Variants in SNX7 observed in about 807,000 individuals in gnomAD.
The protein encoded by SNX7 is sorting nexin-7.
Under a neutral mutation model 48.4 loss-of-function variants are expected in SNX7, and 35 were observed. The ratio of observed to expected loss-of-function variants is 0.72; its 90% confidence interval spans 0.55 to 0.96. SNX7 has a LOEUF of 0.96. Ranked by LOEUF, SNX7 falls within the 40% of genes least tolerant of loss-of-function variation. The probability of loss-of-function intolerance (pLI) is 0.00; values close to 1 mark genes in which losing one functional copy is unlikely to be tolerated. For missense variants in SNX7, 553 were observed against 548.9 expected, an observed-to-expected ratio of 1.01 and a Z score of -0.07; for synonymous variants, 190 against 190.2, an observed-to-expected ratio of 1.00 and a Z score of 0.01.
At chr1:98,686,734 A>G (rs1650822361) in intron 2 of SNX7, among the ~76,000 whole-genome samples, 1 of 152,112 alleles carries the variant, frequency 6.6e-6, no homozygotes, top group Non-Finnish European at 1.5e-5. Context: ...TTGTTTGTAA[A>G]TAGGATAACA....
intron 7 of SNX7, among the ~76,000 whole-genome samples, chr1:98,730,222 A>G (rs765600500): frequency 4.3e-5 from 6 of 139,872 alleles, no homozygotes; most frequent in Non-Finnish European, 4.9e-5. Context: ...CTTCATGTTA[A>G]AAACTCTCAA....
intron 4 of SNX7, among the ~76,000 whole-genome samples, chr1:98,692,973 T>A (rs764809174): frequency 9.9e-5 from 15 of 152,204 alleles, no homozygotes; most frequent in Non-Finnish European, 1.9e-4. Context: ...TTCTGGACTA[T>A]GTGGTTTGTG....
At chr1:98,662,846 A>G (rs1260952263) in intron 1 of SNX7, 1 of 1,288,328 alleles carries the variant, frequency 7.8e-7, no homozygotes, top group Admixed American at 2.3e-5. Flanking sequence ...TAACCACCGC[A>G]TTTACTCTGG....
At chr1:98,727,286 G>C (rs1435077289) in intron 7 of SNX7, among the ~76,000 whole-genome samples, 1 of 152,130 alleles carries the variant, frequency 6.6e-6, no homozygotes. Flanking sequence ...CTGTAGAAGA[G>C]AGGCCTGACT....
intron 1 of SNX7, among the ~76,000 whole-genome samples, chr1:98,675,392 A>G (rs565533136): frequency 5.9e-5 from 9 of 152,244 alleles, no homozygotes; most frequent in African/African-American, 2.2e-4. Flanking sequence ...TTCTACTGAA[A>G]TCTTGGATGT....
At chr1:98,750,119 A>C (rs1004434088) in intron 8 of SNX7, among the ~76,000 whole-genome samples, 1 of 151,996 alleles carries the variant, frequency 6.6e-6, no homozygotes, top group Non-Finnish European at 1.5e-5. Context: ...TATAATAATA[A>C]GTATCATTAT....
rs77829449 is a variant in SNX7 at position 98,722,483 on chromosome 1, A to C, written c.1126-15754A>C. Among the ~76,000 whole-genome samples the C allele has an allele frequency of 6.0e-4, 92 of 152,240 alleles. 1 individual carries two copies. Among genetic ancestry groups the C allele is most frequent in the Middle Eastern group, 6.8e-3 (2 of 294 alleles). On this transcript the variant is annotated intron_variant, in intron 7 of 8. Transcript: ENST00000306121. ...AGAGGTAGCTGTCAGATTAGAAATG[A>C]ATTTCAGAATTTTCTATTGTCTTCT...
chr1:98,690,451 T>A (rs1473363303), intron 2 of SNX7, among the ~76,000 whole-genome samples: 1 of 152,108 alleles, frequency 6.6e-6, no homozygotes, highest in African/African-American at 2.4e-5. Context: ...AGTTTAGGCA[T>A]ATAACCCAAA....
At chr1:98,693,997 T>G (rs1470129472) in intron 4 of SNX7, among the ~76,000 whole-genome samples, 3 of 152,186 alleles carry the variant, frequency 2.0e-5, no homozygotes, top group African/African-American at 7.2e-5. Flanking sequence ...GTATATTCTT[T>G]TATAGGATGT....
chr1:98,755,266 T>C (rs1654785093), intron 8 of SNX7, among the ~76,000 whole-genome samples: 1 of 152,102 alleles, frequency 6.6e-6, no homozygotes, highest in African/African-American at 2.4e-5. Context: ...TGAAAGAAAA[T>C]ATGTATTCTG....
At chr1:98,729,299 A>G (rs1360829752) in intron 7 of SNX7, among the ~76,000 whole-genome samples, 1 of 152,204 alleles carries the variant, frequency 6.6e-6, no homozygotes, top group Non-Finnish European at 1.5e-5. Flanking sequence ...AGGGAAGTTT[A>G]TAGCACTAAA....
chr1:98,695,652 A>G lies in SNX7; in HGVS notation c.774A>G (p.Glu258=). ...TCATGGAAATGAATAACTTTATTGA[A>G]CTATTTAGCCAGAAAATAAATTTGA... ...EEFMEMNNFI[E]LFSQKINLID... The change falls in exon 5 of 9, where the codon GAA becomes GAG. Residue 258 remains glutamate, a synonymous_variant. Coordinates refer to ENST00000306121, the MANE Select transcript of SNX7 (RefSeq NM_015976.5). The G allele has an allele frequency of 6.2e-7, 1 of 1,609,752 alleles. No individual in the cohort carries two copies. The highest frequency in any genetic ancestry group is 8.5e-7 in the Non-Finnish European group (1 of 1,175,964).
chr1:98,707,557 AAAAT>A (rs1246206641), intron 7 of SNX7, among the ~76,000 whole-genome samples: 2 of 152,210 alleles, frequency 1.3e-5, no homozygotes, highest in Non-Finnish European at 2.9e-5. Flanking sequence ...GCTTAACTGT[AAAAT>A]AAATAAGGTT....
intron 7 of SNX7, among the ~76,000 whole-genome samples, chr1:98,715,124 A>G (rs369792258): frequency 1.2e-4 from 18 of 152,290 alleles, no homozygotes; most frequent in Admixed American, 7.8e-4. Flanking sequence ...GACCCATTCA[A>G]GTTTCACCAG....
intron 6 of SNX7, among the ~76,000 whole-genome samples, chr1:98,700,048 TC>T (rs1651670693): frequency 6.6e-6 from 1 of 152,222 alleles, no homozygotes; most frequent in Non-Finnish European, 1.5e-5. Flanking sequence ...ATTAGTGTTT[TC>T]TCCTATATTA....
intron 8 of SNX7, among the ~76,000 whole-genome samples, chr1:98,750,683 G>A (rs1050179737): frequency 3.3e-5 from 5 of 151,872 alleles, no homozygotes; most frequent in Non-Finnish European, 5.9e-5. Flanking sequence ...CTAAACGAAT[G>A]AATGAATGAA....
chr1:98,753,499 T>A (rs554918557), intron 8 of SNX7, among the ~76,000 whole-genome samples: 5 of 152,254 alleles, frequency 3.3e-5, no homozygotes, highest in African/African-American at 1.2e-4. Context: ...TTGGTGCAAT[T>A]TGAATCACTT....
chr1:98,661,331 C>G (rs1351376715), upstream of SNX7, among the ~76,000 whole-genome samples: 2 of 151,568 alleles, frequency 1.3e-5, no homozygotes, highest in African/African-American at 2.4e-5. Flanking sequence ...TGCCTTCCAG[C>G]CTCGCTGTGG....
chr1:98,703,307 A>G (rs1202636662), intron 7 of SNX7, among the ~76,000 whole-genome samples: 1 of 152,170 alleles, frequency 6.6e-6, no homozygotes, highest in Non-Finnish European at 1.5e-5. Flanking sequence ...AATATTGTGA[A>G]AACCAGAAAA....
Sources: allele counts gnomAD v4.1 joint callset (sites outside exome capture counted in the v4.1 genomes callset), GRCh38; gene constraint gnomAD v4.1.1; transcripts MANE v1.5; gene names NCBI Gene and HGNC (gene_info 2026-07-23, HGNC 2026-07-21).